The following SDK1 variants were observed in gnomAD, a reference collection of about 807,000 sequenced individuals.
SDK1 encodes protein sidekick-1.
SDK1 carries 157 observed loss-of-function variants against 245.5 expected under a neutral mutation model. That is an observed-to-expected ratio of 0.64 (90% confidence interval 0.56 to 0.73). The LOEUF is 0.73. Ranked by LOEUF, SDK1 falls within the 30% of genes least tolerant of loss-of-function variation. The pLI, the probability that SDK1 is intolerant of heterozygous loss-of-function variation, is 0.00. For synonymous variants in SDK1, 1,647 were observed against 1,278.5 expected, an observed-to-expected ratio of 1.29 and a Z score of -6.15; for missense variants, 3,583 against 3,002.3, an observed-to-expected ratio of 1.19 and a Z score of -4.52.
At chr7:4,186,256 C>T (rs541603605) in intron 35 of SDK1, among the ~76,000 whole-genome samples, 13 of 152,172 alleles carry the variant, frequency 8.5e-5, no homozygotes, top group Non-Finnish European at 1.8e-4. Flanking sequence ...CCACTTTGCC[C>T]TGGGGGTCCT....
intron 7 of SDK1, among the ~76,000 whole-genome samples, chr7:3,954,872 C>T (rs577013265): frequency 2.6e-5 from 4 of 152,060 alleles, no homozygotes; most frequent in South Asian, 2.1e-4. Flanking sequence ...CCATTGCACT[C>T]GCTATTTACC....
chr7:3,704,113 C>T (rs911816776), intron 4 of SDK1, among the ~76,000 whole-genome samples: 6 of 152,130 alleles, frequency 3.9e-5, no homozygotes, highest in African/African-American at 1.4e-4. Flanking sequence ...CACAGCTTTG[C>T]TTCCACTTAT....
intron 5 of SDK1, among the ~76,000 whole-genome samples, chr7:3,890,684 G>A (rs1781437824): frequency 6.6e-6 from 1 of 151,992 alleles, no homozygotes; most frequent in Non-Finnish European, 1.5e-5. Context: ...GCTCGTGCCT[G>A]TAATCCCAGC....
chr7:3,454,155 G>C (rs1780603129), intron 1 of SDK1, among the ~76,000 whole-genome samples: 1 of 151,978 alleles, frequency 6.6e-6, no homozygotes, highest in Admixed American at 6.6e-5. Flanking sequence ...TTGGTTGCCT[G>C]CTTACTCATT....
chr7:3,564,944 G>A (rs978537294), intron 1 of SDK1, among the ~76,000 whole-genome samples: 4 of 151,928 alleles, frequency 2.6e-5, no homozygotes, highest in Non-Finnish European at 5.9e-5. Flanking sequence ...TCACTGTTTA[G>A]GAGACAAATC....
chr7:3,306,438 C>A (rs948242563), intron 1 of SDK1, among the ~76,000 whole-genome samples: 1 of 152,158 alleles, frequency 6.6e-6, no homozygotes, highest in Non-Finnish European at 1.5e-5. Context: ...ATTTGAGGAA[C>A]ATTTGGAAAA....
intron 1 of SDK1, among the ~76,000 whole-genome samples, chr7:3,308,525 T>G (rs1327409475): frequency 1.3e-5 from 2 of 151,098 alleles, no homozygotes; most frequent in African/African-American, 4.9e-5. Flanking sequence ...AGCTATCAAT[T>G]AAATAGTCCA....
chr7:3,354,208 T>G (rs1780734275), intron 1 of SDK1, among the ~76,000 whole-genome samples: 1 of 151,874 alleles, frequency 6.6e-6, no homozygotes, highest in African/African-American at 2.4e-5. Flanking sequence ...CTGTGTTAGC[T>G]AGGATGGTCT....
intron 35 of SDK1, among the ~76,000 whole-genome samples, chr7:4,187,110 A>C (rs547576368): frequency 1.7e-4 from 26 of 152,056 alleles, no homozygotes; most frequent in Non-Finnish European, 3.5e-4. Context: ...TGTCTGTGTG[A>C]GGGACTGTGA....
chr7:4,256,484 C>A (rs1787634775), intron 44 of SDK1, among the ~76,000 whole-genome samples: 1 of 152,144 alleles, frequency 6.6e-6, no homozygotes, highest in Non-Finnish European at 1.5e-5. Flanking sequence ...GGAAAGCAGA[C>A]CGAGGGTTGC....
intron 1 of SDK1, among the ~76,000 whole-genome samples, chr7:3,362,752 A>T (rs73048695): frequency 7.2e-5 from 11 of 152,108 alleles, no homozygotes; most frequent in African/African-American, 2.7e-4. Context: ...TTCCCGGAAG[A>T]CATTTTCATG....
intron 5 of SDK1, among the ~76,000 whole-genome samples, chr7:3,860,163 G>C (rs887368293): frequency 2.0e-5 from 3 of 151,878 alleles, no homozygotes; most frequent in Admixed American, 1.3e-4. Flanking sequence ...CTCGTGATCC[G>C]CCTGCCTCAG....
intron 22 of SDK1, among the ~76,000 whole-genome samples, chr7:4,103,863 G>C (rs568946560): frequency 2.0e-5 from 3 of 152,236 alleles, no homozygotes; most frequent in African/African-American, 7.2e-5. Context: ...TAAAGGTCCC[G>C]ATAGTGAATA....
chr7:3,466,466 C>A (rs1263021137), intron 1 of SDK1, among the ~76,000 whole-genome samples: 1 of 142,548 alleles, frequency 7.0e-6, no homozygotes, highest in Non-Finnish European at 1.5e-5. Flanking sequence ...TAGTATGCGT[C>A]CTAATCTCAA....
intron 22 of SDK1, among the ~76,000 whole-genome samples, chr7:4,100,643 C>T (rs541475643): frequency 2.0e-5 from 3 of 152,264 alleles, no homozygotes; most frequent in Admixed American, 6.5e-5. Context: ...GAGTCCTCAC[C>T]AGGACCCACC....
intron 1 of SDK1, among the ~76,000 whole-genome samples, chr7:3,541,485 C>T (rs1458640390): frequency 1.3e-5 from 2 of 152,216 alleles, no homozygotes; most frequent in Non-Finnish European, 2.9e-5. Flanking sequence ...TCCTTCTCTT[C>T]CTTCTTATGA....
intron 1 of SDK1, among the ~76,000 whole-genome samples, chr7:3,418,091 A>G (rs975045010): frequency 2.7e-5 from 4 of 148,774 alleles, no homozygotes; most frequent in African/African-American, 1.0e-4. Flanking sequence ...ACTTGAGGTC[A>G]GGAATTCAAG....
At chr7:3,814,328 T>G (rs1779456798) in intron 4 of SDK1, among the ~76,000 whole-genome samples, 1 of 148,344 alleles carries the variant, frequency 6.7e-6, no homozygotes, top group South Asian at 2.1e-4. Context: ...GCTTTCTACA[T>G]ATGGCTAGCC....
intron 22 of SDK1, among the ~76,000 whole-genome samples, chr7:4,087,921 G>A (rs1247986611): frequency 6.6e-6 from 1 of 152,210 alleles, no homozygotes; most frequent in African/African-American, 2.4e-5. Context: ...TTCTGCCTGT[G>A]TTGTTTGCAT....
Sources: gnomAD v4.1 joint callset for allele counts (sites outside exome capture counted in the v4.1 genomes callset) on GRCh38, gnomAD v4.1.1 for gene constraint, MANE v1.5 for transcripts, NCBI Gene and HGNC (gene_info 2026-07-23, HGNC 2026-07-21) for gene names.